The following GRK5 variants were observed in gnomAD, a reference collection of about 807,000 sequenced individuals.
GRK5 encodes the protein g protein-coupled receptor kinase GRK5.
GRK5 carries 40 observed loss-of-function variants against 78.4 expected under a neutral mutation model. That is an observed-to-expected ratio of 0.51 (90% CI 0.40 to 0.66). The LOEUF (loss-of-function observed/expected upper bound fraction) is 0.66, where lower values mean the gene tolerates loss of function less well. Among genes scored for constraint, GRK5 ranks in the 30% least tolerant of loss-of-function variants. The probability of loss-of-function intolerance (pLI) is 0.00; values close to 1 mark genes in which losing one functional copy is unlikely to be tolerated. For missense variants in GRK5, 598 were observed against 759.9 expected, an observed-to-expected ratio of 0.79 and a Z score of 2.50; for synonymous variants, 289 against 296.8, an observed-to-expected ratio of 0.97 and a Z score of 0.27.
rs1256684132 is a variant in GRK5 at position 119,457,892 on chromosome 10, C to T, written c.*2825C>T. On this transcript the variant is annotated 3_prime_UTR_variant, in exon 16 of 16. Transcript: ENST00000392870. ...TTGTAGAGATGGGGGGGGGGTCTCC[C>T]CATGTTGCCCAGGCTGGCCTCGAAT... 3 of 151,644 alleles carry T rather than the reference C, an allele frequency of 2.0e-5. No individual in the cohort carries two copies. The highest frequency in any genetic ancestry group is 7.3e-5 in the African/African-American group (3 of 41,308). 9.4% of individuals were successfully genotyped at this position (151,644 alleles called of 1,614,324 possible).
intron 1 of GRK5, among the ~76,000 whole-genome samples, chr10:119,325,610 C>T (rs1032181177): frequency 3.3e-5 from 5 of 152,168 alleles, no homozygotes; most frequent in Non-Finnish European, 5.9e-5. Context: ...GGTGACGGCA[C>T]CTTGGTCCCC....
At chr10:119,209,339 A>G (rs975549310) in intron 1 of GRK5, among the ~76,000 whole-genome samples, 2 of 152,138 alleles carry the variant, frequency 1.3e-5, no homozygotes, top group Admixed American at 6.5e-5. Context: ...CCCCGAAGGG[A>G]GGCAGTGCTT....
At chr10:119,365,558 T>A (rs1851434425) in intron 2 of GRK5, among the ~76,000 whole-genome samples, 1 of 152,184 alleles carries the variant, frequency 6.6e-6, no homozygotes, top group Non-Finnish European at 1.5e-5. Context: ...TGAGGGTCTT[T>A]GAATTTTAAT....
chr10:119,255,741 C>T (rs989448449), intron 1 of GRK5, among the ~76,000 whole-genome samples: 3 of 152,184 alleles, frequency 2.0e-5, no homozygotes, highest in African/African-American at 7.2e-5. Flanking sequence ...CCTTGAGGGA[C>T]AAGGTGGTGA....
At chr10:119,449,835 A>G in intron 13 of GRK5, among the ~76,000 whole-genome samples, 1 of 152,252 alleles carries the variant, frequency 6.6e-6, no homozygotes, top group Non-Finnish European at 1.5e-5. Flanking sequence ...CTCAATCTGC[A>G]GATGAGCTTG....
In GRK5 at chr10:119,412,487, GATTT is replaced by G. The variant is rs1374964002; in HGVS notation, c.340-10674_340-10671del. ...CAGCTCGTGAGCGTGTGGCCGGACTGATTTATTTTTCTCCCCAGTGACCCCGAAA... is the reference window on the plus strand; with the variant it reads ...CAGCTCGTGAGCGTGTGGCCGGACTGATTTTTCTCCCCAGTGACCCCGAAA... On this transcript the variant is annotated intron_variant, in intron 4 of 15. Transcript: ENST00000392870. This position sits in a 1 kb window ranked among gnomAD's most constrained non-coding sequence, Gnocchi z 4.3. Among the ~76,000 whole-genome samples, 2 of 152,166 alleles carry G rather than the reference GATTT, an allele frequency of 1.3e-5. No individual in the cohort carries two copies. Among genetic ancestry groups the G allele is most frequent in the African/African-American group, 4.8e-5 (2 of 41,434 alleles).
chr10:119,453,808 C>T (rs896060133), intron 15 of GRK5, among the ~76,000 whole-genome samples: 3 of 152,326 alleles, frequency 2.0e-5, no homozygotes, highest in Non-Finnish European at 2.9e-5. Flanking sequence ...CAGAACCTTC[C>T]GGCTCCTGGG....
intron 4 of GRK5, among the ~76,000 whole-genome samples, chr10:119,421,363 G>A (rs1043666038): frequency 6.6e-6 from 1 of 152,226 alleles, no homozygotes; most frequent in East Asian, 1.9e-4. Flanking sequence ...GCCCCCAGTT[G>A]TCGACTCCCA....
At chr10:119,353,080 C>T (rs17098759) in intron 2 of GRK5, among the ~76,000 whole-genome samples, 3,877 of 152,270 alleles carry the variant, frequency 0.025, 140 homozygotes, top group East Asian at 0.13. Flanking sequence ...AATGTTGTTC[C>T]GGGGACTGGT....
intron 2 of GRK5, among the ~76,000 whole-genome samples, chr10:119,375,367 C>T (rs899206464): frequency 1.3e-5 from 2 of 152,256 alleles, no homozygotes; most frequent in African/African-American, 4.8e-5. Flanking sequence ...CTCAGCTTCT[C>T]CCCCTGCCTG....
At chr10:119,249,871 CTT>C (rs942614285) in intron 1 of GRK5, among the ~76,000 whole-genome samples, 1 of 152,202 alleles carries the variant, frequency 6.6e-6, no homozygotes, top group African/African-American at 2.4e-5. Context: ...GTGCATAACT[CTT>C]TGTGCACGTG....
chr10:119,414,803 C>T (rs921964382), intron 4 of GRK5, among the ~76,000 whole-genome samples: 5 of 152,050 alleles, frequency 3.3e-5, no homozygotes, highest in African/African-American at 7.2e-5. Flanking sequence ...CAATGATGGC[C>T]GGGTGTGGTG....
intron 1 of GRK5, among the ~76,000 whole-genome samples, chr10:119,252,546 T>C (rs947313585): frequency 6.6e-6 from 1 of 152,116 alleles, no homozygotes; most frequent in Non-Finnish European, 1.5e-5. Flanking sequence ...ATGGTTTTAG[T>C]TCTACCCCGG....
intron 4 of GRK5, among the ~76,000 whole-genome samples, chr10:119,414,902 T>C (rs530825964): frequency 6.6e-6 from 1 of 151,678 alleles, no homozygotes; most frequent in Non-Finnish European, 1.5e-5. Flanking sequence ...GCCAACATGG[T>C]GAAACACCGT....
intron 1 of GRK5, among the ~76,000 whole-genome samples, chr10:119,249,266 C>T (rs761142665): frequency 1.3e-5 from 2 of 150,892 alleles, no homozygotes; most frequent in Non-Finnish European, 3.0e-5. Context: ...AGCGAAACTT[C>T]GTCTCAAAAA....
At position 119,420,348 on chromosome 10, in the gene GRK5, ACAAAC is replaced by A. The variant is rs779068604; in HGVS notation, c.340-2817_340-2813del. Among the ~76,000 whole-genome samples, 1,230 of 140,324 alleles carry A rather than the reference ACAAAC, an allele frequency of 8.8e-3. 28 individuals carry two copies. Among genetic ancestry groups the A allele is most frequent in the Non-Finnish European group, 0.014 (909 of 64,002 alleles). 92.1% of individuals were successfully genotyped at this position (140,324 alleles called of 152,430 possible). A position where few individuals can be genotyped will look rare whatever the true frequency, so the allele number is the denominator to read the frequency against. On this transcript the variant is annotated intron_variant, in intron 4 of 15. Transcript: ENST00000392870. ...AAAAGTTTGCTACTAAAACAAACAA[ACAAAC>A]AAAAAAAAAAAACAAGAAGAAAGAA...
intron 1 of GRK5, among the ~76,000 whole-genome samples, chr10:119,262,238 C>T (rs1296670690): frequency 1.3e-5 from 2 of 151,882 alleles, no homozygotes; most frequent in East Asian, 3.9e-4. Context: ...AGTGGTGCCC[C>T]TGACAGCAGC....
Position 119,253,436 on chromosome 10 carries a change from G to A in GRK5, c.52+45467G>A, listed in dbSNP as rs1015010163. 3.9e-5 allele frequency among the ~76,000 whole-genome samples: 6 copies of A among 152,148 alleles called. No individual in the cohort carries two copies. Among genetic ancestry groups the A allele is most frequent in the Admixed American group, 3.3e-4 (5 of 15,258 alleles). On this transcript the variant is annotated intron_variant, in intron 1 of 15. Coordinates refer to ENST00000392870, the MANE Select transcript of GRK5 (RefSeq NM_005308.3). The surrounding 1 kb of genome is among the most constrained non-coding windows in gnomAD (Gnocchi z 5.7). ...AGCCTCCCCACCACCCCTGCCCTCC[G>A]TTCCTTTTATATTTAAATCAGAAGC...
chr10:119,367,043 A>T (rs879626988), intron 2 of GRK5, among the ~76,000 whole-genome samples: 1 of 152,132 alleles, frequency 6.6e-6, no homozygotes, highest in Admixed American at 6.5e-5. Flanking sequence ...TAGTGTGCCT[A>T]GCATTGTGCC....
Sources: gnomAD v4.1 joint callset for allele counts (sites outside exome capture counted in the v4.1 genomes callset) on GRCh38, gnomAD v4.1.1 for gene constraint, Gnocchi (gnomAD v3.1) non-coding constraint, MANE v1.5 for transcripts, NCBI Gene and HGNC (gene_info 2026-07-23, HGNC 2026-07-21) for gene names.